The following KCND2 variants were observed in gnomAD, a reference collection of about 807,000 sequenced individuals.
KCND2 encodes potassium voltage-gated channel subfamily D member 2.
A neutral mutation model predicts 54.4 loss-of-function variants in KCND2; 16 were observed. The ratio of observed to expected loss-of-function variants is 0.29; its 90% CI spans 0.20 to 0.45. The LOEUF is 0.45. KCND2 is among the 20% of genes least tolerant of loss of function. The pLI, the probability that KCND2 is intolerant of heterozygous loss-of-function variation, is 1.00. For synonymous variants in KCND2, 317 were observed against 310.7 expected (o/e 1.02, Z -0.21); for missense variants, 486 against 824.2 (o/e 0.59, Z 5.02).
intron 1 of KCND2, among the ~76,000 whole-genome samples, chr7:120,449,792 A>G (rs1802075285): frequency 6.6e-6 from 1 of 152,234 alleles, no homozygotes; most frequent in Non-Finnish European, 1.5e-5. Context: ...CAAAGTACAT[A>G]ATGCTACAGC....
At chr7:120,463,010 G>A (rs138818079) in intron 1 of KCND2, among the ~76,000 whole-genome samples, 2 of 152,172 alleles carry the variant, frequency 1.3e-5, no homozygotes, top group African/African-American at 2.4e-5. Flanking sequence ...CCATGCTGCA[G>A]TAACAAATCA....
At chr7:120,515,566 G>A (rs777748303) in intron 1 of KCND2, among the ~76,000 whole-genome samples, 7 of 151,966 alleles carry the variant, frequency 4.6e-5, no homozygotes, top group African/African-American at 7.3e-5. Flanking sequence ...GAAGGTTCCC[G>A]TGGAGCTGAG....
chr7:120,625,688 G>A (rs1793155527), intron 1 of KCND2, among the ~76,000 whole-genome samples: 1 of 152,066 alleles, frequency 6.6e-6, no homozygotes, highest in Non-Finnish European at 1.5e-5. Context: ...ATACATAAAT[G>A]TATCTAAGCT....
chr7:120,639,048 T>C (rs1250200736), intron 1 of KCND2, among the ~76,000 whole-genome samples: 2 of 152,174 alleles, frequency 1.3e-5, no homozygotes, highest in African/African-American at 4.8e-5. Context: ...AGAATGGTTT[T>C]CTTTGGTGTC....
At chr7:120,630,667 G>A (rs1192646108) in intron 1 of KCND2, among the ~76,000 whole-genome samples, 1 of 151,898 alleles carries the variant, frequency 6.6e-6, no homozygotes, top group African/African-American at 2.4e-5. Flanking sequence ...ATATCATTAG[G>A]GAATTCCCAG....
At position 120,275,115 on chromosome 7, in the gene KCND2, C is replaced by G. The variant is rs754396339; in HGVS notation, c.483C>G (p.Ala161=). 6.2e-7 allele frequency: 1 copy of G among 1,613,782 alleles called. No individual in the cohort carries two copies. The highest frequency in any genetic ancestry group is 2.2e-5 in the East Asian group (1 of 44,822). The part of the protein sequence containing the change: ...DADTDTAGES[A]LPTMTARQRV... ...ATACCGACACCGCTGGGGAGAGCGC[C>G]TTGCCCACCATGACTGCAAGGCAGA... Residue 161 remains alanine (A), a synonymous_variant, in exon 1 of 6, where the codon GCC becomes GCG. Coordinates refer to ENST00000331113, the MANE Select transcript of KCND2 (RefSeq NM_012281.3).
At chr7:120,660,364 A>T (rs1321774975) in intron 1 of KCND2, among the ~76,000 whole-genome samples, 2 of 152,238 alleles carry the variant, frequency 1.3e-5, no homozygotes, top group Non-Finnish European at 2.9e-5. Context: ...TAATCAAGAA[A>T]AATGTCTTTT....
chr7:120,643,638 A>G (rs1446294899), intron 1 of KCND2, among the ~76,000 whole-genome samples: 2 of 152,046 alleles, frequency 1.3e-5, no homozygotes, highest in East Asian at 3.9e-4. Flanking sequence ...ATTGCTTGAA[A>G]GACTGATAAA....
intron 1 of KCND2, among the ~76,000 whole-genome samples, chr7:120,424,751 T>C (rs10236303): frequency 0.28 from 41,981 of 152,090 alleles, 8,411 homozygotes; most frequent in East Asian, 0.57. Flanking sequence ...AAAAATAATA[T>C]GAAGCATAAA....
At chr7:120,409,734 G>T (rs1801420146) in intron 1 of KCND2, among the ~76,000 whole-genome samples, 1 of 151,610 alleles carries the variant, frequency 6.6e-6, no homozygotes, top group African/African-American at 2.4e-5. Context: ...TGATTGGGTT[G>T]TTTGCCTTAT....
At chr7:120,691,631 A>G (rs1400584412) in intron 1 of KCND2, among the ~76,000 whole-genome samples, 2 of 152,160 alleles carry the variant, frequency 1.3e-5, no homozygotes, top group East Asian at 3.9e-4. Flanking sequence ...ACTACACACC[A>G]AGTGGAGACA....
At chr7:120,562,039 T>C (rs1220716804) in intron 1 of KCND2, among the ~76,000 whole-genome samples, 3 of 152,224 alleles carry the variant, frequency 2.0e-5, no homozygotes, top group African/African-American at 7.2e-5. Context: ...GGTCAGTTTC[T>C]TTATTTGGAC....
At chr7:120,714,856 G>GTA (rs58668446) in intron 1 of KCND2, among the ~76,000 whole-genome samples, 50,290 of 149,070 alleles carry the variant, frequency 0.34, 8,950 homozygotes, top group East Asian at 0.48. Context: ...GTTGTATCGG[G>GTA]TATATATATA....
At chr7:120,629,214 A>G (rs1033532499) in intron 1 of KCND2, among the ~76,000 whole-genome samples, 7 of 152,232 alleles carry the variant, frequency 4.6e-5, no homozygotes, top group Admixed American at 2.0e-4. Flanking sequence ...GGGGCCGGGC[A>G]CAGTGGCTCA....
At position 120,749,805 on chromosome 7, in the gene KCND2, C is replaced by T. The variant is rs1002608100; in HGVS notation, c.*1947C>T. ...TTAACAATTATATTAACACCTGCCT[C>T]ATGTCAGTTTATGCTTCTAGAGCAA... On this transcript the variant is annotated 3_prime_UTR_variant, in exon 6 of 6. Coordinates refer to ENST00000331113, the MANE Select transcript of KCND2 (RefSeq NM_012281.3). 1 of 152,028 alleles carries T rather than the reference C, an allele frequency of 6.6e-6. No individual in the cohort carries two copies. The highest frequency in any genetic ancestry group is 1.5e-5 in the Non-Finnish European group (1 of 67,850). 9.4% of individuals were successfully genotyped at this position (152,028 alleles called of 1,614,324 possible).
chr7:120,640,333 G>A lies in KCND2; in HGVS notation c.1116-92570G>A, dbSNP rs117650529. The stretch of plus-strand genomic sequence containing the variant: ...TTATATTTGGGCTCAATAAATATAC[G>A]TTAAGAAGAAAAGTAAATGTCAATA... On this transcript the variant is annotated intron_variant, in intron 1 of 5. Coordinates refer to ENST00000331113, the MANE Select transcript of KCND2 (RefSeq NM_012281.3). 2.0e-3 allele frequency among the ~76,000 whole-genome samples: 311 copies of A among 152,224 alleles called. 1 individual carries two copies. Among genetic ancestry groups the A allele is most frequent in the South Asian group, 7.5e-3 (36 of 4,830 alleles).
chr7:120,577,817 C>T (rs1792456731), intron 1 of KCND2, among the ~76,000 whole-genome samples: 1 of 152,178 alleles, frequency 6.6e-6, no homozygotes, highest in African/African-American at 2.4e-5. Flanking sequence ...GATCTCCTGA[C>T]CTCGTGATTC....
intron 1 of KCND2, among the ~76,000 whole-genome samples, chr7:120,577,469 A>T (rs956384586): frequency 1.3e-5 from 2 of 152,212 alleles, no homozygotes; most frequent in African/African-American, 4.8e-5. Context: ...AAAGATAAGA[A>T]TGAAGATCTG....
chr7:120,585,957 T>A (rs1247501937), intron 1 of KCND2, among the ~76,000 whole-genome samples: 1 of 152,176 alleles, frequency 6.6e-6, no homozygotes, highest in East Asian at 1.9e-4. Context: ...TTTTGAAGAT[T>A]GATCCTTCAG....
Sources: allele counts gnomAD v4.1 joint callset (sites outside exome capture counted in the v4.1 genomes callset), GRCh38; gene constraint gnomAD v4.1.1; transcripts MANE v1.5; gene names NCBI Gene and HGNC (gene_info 2026-07-23, HGNC 2026-07-21).